Variants in SLC24A3 observed in about 807,000 individuals in gnomAD.
The protein encoded by SLC24A3 is solute carrier family 24 member 3.
In SLC24A3, 28 loss-of-function variants were observed where a neutral mutation model predicts 75.8. The ratio of observed to expected loss-of-function variants is 0.37; its 90% confidence interval spans 0.27 to 0.51. SLC24A3 has a LOEUF of 0.51. Ranked by LOEUF, SLC24A3 falls within the 20% of genes least tolerant of loss-of-function variation. The pLI is 0.94. For missense variants in SLC24A3, 663 were observed against 847.8 expected (o/e 0.78, Z 2.71); for synonymous variants, 372 against 334.1 (o/e 1.11, Z -1.24).
intron 2 of SLC24A3, among the ~76,000 whole-genome samples, chr20:19,477,117 C>A (rs1435521830): frequency 6.6e-6 from 1 of 151,914 alleles, no homozygotes; most frequent in Non-Finnish European, 1.5e-5. Flanking sequence ...CAGGCAGACG[C>A]AAGCAGAAGA....
intron 2 of SLC24A3, among the ~76,000 whole-genome samples, chr20:19,325,934 CA>C (rs1370542625): frequency 1.3e-5 from 2 of 148,748 alleles, no homozygotes; most frequent in Non-Finnish European, 3.0e-5. Flanking sequence ...TAATTTTATA[CA>C]ATATTTTAAA....
intron 6 of SLC24A3, among the ~76,000 whole-genome samples, chr20:19,647,087 T>G (rs1274129726): frequency 6.6e-6 from 1 of 151,978 alleles, no homozygotes; most frequent in Non-Finnish European, 1.5e-5. Context: ...GAATTTACAC[T>G]CCTAGGTGCA....
chr20:19,632,407 C>T (rs1406022064), intron 6 of SLC24A3, among the ~76,000 whole-genome samples: 1 of 152,154 alleles, frequency 6.6e-6, no homozygotes, highest in Non-Finnish European at 1.5e-5. Context: ...TTCTAGCGGC[C>T]ACCTACCTTC....
At chr20:19,447,520 A>T (rs763431858) in intron 2 of SLC24A3, among the ~76,000 whole-genome samples, 8 of 152,182 alleles carry the variant, frequency 5.3e-5, no homozygotes, top group Non-Finnish European at 8.8e-5. Flanking sequence ...AATAGAATAA[A>T]GTGGTTTTTT....
chr20:19,598,385 C>T (rs6075539), intron 6 of SLC24A3, among the ~76,000 whole-genome samples: 70,257 of 151,946 alleles, frequency 0.46, 17,328 homozygotes, highest in African/African-American at 0.64. Context: ...TCATGTACCA[C>T]GTGTCCGGCT....
At chr20:19,654,391 C>A (rs1043316551) in intron 7 of SLC24A3, among the ~76,000 whole-genome samples, 5 of 152,070 alleles carry the variant, frequency 3.3e-5, no homozygotes, top group African/African-American at 1.2e-4. Flanking sequence ...TCTCCTGAGA[C>A]CCTCGTGAGC....
At chr20:19,625,320 C>A (rs964841436) in intron 6 of SLC24A3, among the ~76,000 whole-genome samples, 6 of 152,066 alleles carry the variant, frequency 3.9e-5, no homozygotes, top group African/African-American at 1.2e-4. Context: ...AAGGCTTGGT[C>A]CCCATCCAAA....
intron 15 of SLC24A3, among the ~76,000 whole-genome samples, chr20:19,705,550 G>A (rs755282682): frequency 3.9e-5 from 6 of 152,112 alleles, no homozygotes; most frequent in Non-Finnish European, 8.8e-5. Flanking sequence ...CCTATGAGAG[G>A]CTTTATTTCC....
intron 2 of SLC24A3, among the ~76,000 whole-genome samples, chr20:19,360,647 A>G (rs948515057): frequency 6.6e-6 from 1 of 152,238 alleles, no homozygotes; most frequent in African/African-American, 2.4e-5. Flanking sequence ...GAACCTGTGA[A>G]TGTCTACACA....
intron 2 of SLC24A3, among the ~76,000 whole-genome samples, chr20:19,382,482 A>C (rs961585116): frequency 6.6e-6 from 1 of 152,206 alleles, no homozygotes; most frequent in Admixed American, 6.5e-5. Context: ...AAGACAACCT[A>C]GAGACGCTGT....
intron 6 of SLC24A3, among the ~76,000 whole-genome samples, chr20:19,641,958 G>T (rs905626589): frequency 4.6e-5 from 7 of 152,182 alleles, no homozygotes; most frequent in Non-Finnish European, 7.3e-5. Context: ...GACTAACCAT[G>T]TGCACTCTGC....
chr20:19,543,935 G>A (rs980333459), intron 3 of SLC24A3, among the ~76,000 whole-genome samples: 1 of 152,174 alleles, frequency 6.6e-6, no homozygotes, highest in African/African-American at 2.4e-5. Flanking sequence ...AGAATCCTGA[G>A]TGACTCCACA....
intron 2 of SLC24A3, among the ~76,000 whole-genome samples, chr20:19,502,733 A>C (rs1988402809): frequency 6.6e-6 from 1 of 151,850 alleles, no homozygotes. Context: ...ATATATAATA[A>C]AAAAAATTAA....
chr20:19,339,682 C>T (rs1985223402), intron 2 of SLC24A3, among the ~76,000 whole-genome samples: 1 of 152,192 alleles, frequency 6.6e-6, no homozygotes, highest in South Asian at 2.1e-4. Context: ...TTTGCCAAGA[C>T]TTGGGGGCTG....
At chr20:19,364,319 G>A (rs1191069589) in intron 2 of SLC24A3, among the ~76,000 whole-genome samples, 1 of 152,060 alleles carries the variant, frequency 6.6e-6, no homozygotes, top group East Asian at 1.9e-4. Context: ...CAGAATGAGG[G>A]GAATGAGGGG....
intron 2 of SLC24A3, among the ~76,000 whole-genome samples, chr20:19,469,971 C>G (rs892704379): frequency 6.6e-6 from 1 of 152,130 alleles, no homozygotes; most frequent in Non-Finnish European, 1.5e-5. Flanking sequence ...AGACCTCCTC[C>G]CTGCAAACTT....
chr20:19,463,482 G>A (rs1033135872), intron 2 of SLC24A3, among the ~76,000 whole-genome samples: 1 of 152,196 alleles, frequency 6.6e-6, no homozygotes, highest in African/African-American at 2.4e-5. Context: ...GCACAGGTGA[G>A]CTTTTGATGT....
At chr20:19,493,462 T>C (rs1988235599) in intron 2 of SLC24A3, among the ~76,000 whole-genome samples, 1 of 152,206 alleles carries the variant, frequency 6.6e-6, no homozygotes, top group Non-Finnish European at 1.5e-5. Flanking sequence ...TTTAATTAAA[T>C]GAGTGAATGA....
chr20:19,573,201 T>C (rs988093320), intron 3 of SLC24A3, among the ~76,000 whole-genome samples: 2 of 152,210 alleles, frequency 1.3e-5, no homozygotes, highest in Non-Finnish European at 2.9e-5. Flanking sequence ...GCCATTCAAA[T>C]ACATTTGCCC....
Sources: gnomAD v4.1 joint callset for allele counts (sites outside exome capture counted in the v4.1 genomes callset) on GRCh38, gnomAD v4.1.1 for gene constraint, MANE v1.5 for transcripts, NCBI Gene and HGNC (gene_info 2026-07-23, HGNC 2026-07-21) for gene names.